Variants in NOTCH4 observed in about 807,000 individuals in gnomAD.
NOTCH4 encodes neurogenic locus notch homolog protein 4.
A neutral mutation model predicts 189.0 loss-of-function variants in NOTCH4; 138 were observed. That is an observed-to-expected ratio of 0.73 (90% CI 0.64 to 0.84). The LOEUF (loss-of-function observed/expected upper bound fraction) is 0.84. Ranked by LOEUF, NOTCH4 falls within the 40% of genes least tolerant of loss-of-function variation. The pLI, the probability that NOTCH4 is intolerant of heterozygous loss-of-function variation, is 0.00. For synonymous variants in NOTCH4, 942 were observed against 1,032.8 expected (o/e 0.91, Z 1.69); for missense variants, 2,286 against 2,605.4 (o/e 0.88, Z 2.67).
rs756562500 is a variant in NOTCH4 at position 32,223,875 on chromosome 6, G to A, written c.54C>T (p.Val18=). The change falls in exon 1 of 30, where the codon GTC becomes GTT. Residue 18 remains valine, a synonymous_variant. Transcript: ENST00000375023. ...CCTCACCTCTGGGTCTGACCACTGA[G>A]ACACATAGCAGCAGCAGCAGCAGCA... is the stretch of plus-strand genomic sequence containing the variant. ...LLLLLLLLLC[V]SVVRPRGLLC... The A allele has an allele frequency of 7.5e-6, 12 of 1,594,042 alleles. No individual in the cohort carries two copies. The Admixed American group carries it at 2.1e-4, about 27-fold the overall frequency.
rs551493445 is a variant in NOTCH4, at chr6:32,200,951, A to T, written c.4195T>A (p.Ser1399Thr). The T allele has an allele frequency of 6.2e-7, 1 of 1,604,442 alleles. No homozygotes were observed. Among genetic ancestry groups the T allele is most frequent in the South Asian group, 1.1e-5 (1 of 89,822 alleles). ...LSRCGPDHPA[S>T]RCPWDPGLLL... The stretch of plus-strand genomic sequence containing the variant: ...AGCCCAGGGTCCCAGGGACAGCGGG[A>T]TGCCGGGTGGTCAGGGCCACAGCGG... Residue 1399 changes from serine to threonine, a missense_variant, in exon 23 of 30, where the codon TCC becomes ACC. Physicochemically the swap from Ser to Thr is moderately conservative, Grantham distance 58. Transcript: ENST00000375023. This position sits in a 1 kb window ranked among gnomAD's most constrained non-coding sequence, Gnocchi z 5.0.
Position 32,220,577 on chromosome 6 carries a change from C to T in NOTCH4, c.987G>A (p.Gly329=), listed in dbSNP as rs773837630. The T allele has an allele frequency of 6.2e-7, 1 of 1,613,878 alleles. No homozygotes were observed. Among genetic ancestry groups the T allele is most frequent in the Admixed American group, 1.7e-5 (1 of 60,006 alleles). Residue 329 remains glycine, a synonymous_variant, in exon 6 of 30, where the codon GGG becomes GGA. Coordinates refer to ENST00000375023, the MANE Select transcript of NOTCH4 (RefSeq NM_004557.4). ...TACCAGCAGAGTTCTGGCAGGTGCCCCCGTTTCTGCAGTGAGGGGGACCCT... is the reference window on the plus strand; with the variant it reads ...TACCAGCAGAGTTCTGGCAGGTGCCTCCGTTTCTGCAGTGAGGGGGACCCT... The part of the protein sequence containing the change: ...ETQGPPHCRN[G]GTCQNSAGSF...
rs767179069 is a variant in NOTCH4, at chr6:32,213,214, C to T, written c.2359G>A (p.Gly787Ser). The T allele has an allele frequency of 1.2e-6, 2 of 1,614,030 alleles. No homozygotes were observed. Among genetic ancestry groups the T allele is most frequent in the Non-Finnish European group, 1.7e-6 (2 of 1,179,956 alleles). Reference sequence around the variant, plus strand: ...ATGGCACAGAGGCAGGAGAAGGTGCCAGGCCTGTTCACACAGGTACCCCCA... The same window carrying T: ...ATGGCACAGAGGCAGGAGAAGGTGCTAGGCCTGTTCACACAGGTACCCCCA... ...FNGGTCVNRP[G>S]TFSCLCAMGF... The change falls in exon 15 of 30, where the codon GGC becomes AGC. Residue 787 changes from glycine to serine, a missense_variant. Gly to Ser is a moderately conservative substitution (Grantham distance 56, BLOSUM62 0). Around this residue, in one of 2 missense-constraint regions of NOTCH4, gnomAD observed 1,903 missense variants for 2,261.9 expected, o/e 0.84. Coordinates refer to ENST00000375023, the MANE Select transcript of NOTCH4 (RefSeq NM_004557.4).
Position 32,201,841 on chromosome 6 carries a change from C to G in NOTCH4, c.3755+235G>C. 1.2e-5 allele frequency: 5 copies of G among 419,394 alleles called. No homozygotes were observed. The highest frequency in any genetic ancestry group is 2.1e-5 in the Non-Finnish European group (5 of 243,178). The allele number at this position is 419,394 out of a possible 1,614,324, so 26.0% of individuals were successfully genotyped here. On this transcript the variant is annotated intron_variant, in intron 21 of 29. Coordinates refer to ENST00000375023, the MANE Select transcript of NOTCH4 (RefSeq NM_004557.4). This position sits in a 1 kb window ranked among gnomAD's most constrained non-coding sequence, Gnocchi z 5.5. ...GGGAAGGAGGCTTGAGACCTGAGTTCCTTCAACTCTTAGAGAGGAGCCCAA... is the reference window on the plus strand; with the variant it reads ...GGGAAGGAGGCTTGAGACCTGAGTTGCTTCAACTCTTAGAGAGGAGCCCAA...
In NOTCH4 at chr6:32,201,506, G is replaced by A; in HGVS notation, c.3756-6C>T. The A allele has an allele frequency of 1.4e-6, 2 of 1,473,546 alleles. No individual in the cohort carries two copies. The highest frequency in any genetic ancestry group is 2.4e-5 in the Admixed American group (1 of 41,958). 91.3% of individuals were successfully genotyped at this position (1,473,546 alleles called of 1,614,324 possible). A position where few individuals can be genotyped will look rare whatever the true frequency, so the allele number is the denominator to read the frequency against. On this transcript the variant is annotated splice_polypyrimidine_tract_variant and splice_region_variant and intron_variant, in intron 21 of 29. Coordinates refer to ENST00000375023, the MANE Select transcript of NOTCH4 (RefSeq NM_004557.4). The surrounding 1 kb of genome is among the most constrained non-coding windows in gnomAD (Gnocchi z 5.5). ...AGTACTGGTCATAGGCTGGACTGTG[G>A]GGTAAGGAGAGGGGGACTCAGGACC...
Position 32,200,877 on chromosome 6 carries a change from G to A in NOTCH4, c.4269C>T (p.Pro1423=). The A allele has an allele frequency of 1.2e-6, 2 of 1,608,730 alleles. No individual in the cohort carries two copies. Among genetic ancestry groups the A allele is most frequent in the Non-Finnish European group, 1.7e-6 (2 of 1,178,074 alleles). The change falls in exon 23 of 30, where the codon CCC becomes CCT. Residue 1423 remains proline (P), a synonymous_variant. Transcript: ENST00000375023. This position sits in a 1 kb window ranked among gnomAD's most constrained non-coding sequence, Gnocchi z 5.0. ...AAMAAVGALE[P]LLPGPLLAVH... Reference sequence around the variant, plus strand: ...CAGCCAGCAGTGGTCCAGGCAGCAGGGGCTCCAGGGCTCCCACTGCAGCCA... The same window carrying A: ...CAGCCAGCAGTGGTCCAGGCAGCAGAGGCTCCAGGGCTCCCACTGCAGCCA...
In NOTCH4 at chr6:32,213,208, A is replaced by G; in HGVS notation, c.2365T>C (p.Phe789Leu). 2 of 1,614,002 alleles carry G rather than the reference A, an allele frequency of 1.2e-6. No homozygotes were observed. The highest frequency in any genetic ancestry group is 1.7e-6 in the Non-Finnish European group (2 of 1,179,938). Residue 789 changes from phenylalanine (F) to leucine (L), a missense_variant, in exon 15 of 30, where the codon TTC becomes CTC. By Grantham distance (22) the Phe-to-Leu change is conservative. This residue lies in a region of NOTCH4 where 1,903 missense variants were observed against 2,261.9 expected (regional missense o/e 0.84). Transcript: ENST00000375023. Reference sequence around the variant, plus strand: ...AAGCCCATGGCACAGAGGCAGGAGAAGGTGCCAGGCCTGTTCACACAGGTA... The same window carrying G: ...AAGCCCATGGCACAGAGGCAGGAGAGGGTGCCAGGCCTGTTCACACAGGTA... ...GGTCVNRPGT[F>L]SCLCAMGFQG...
Position 32,195,774 on chromosome 6 carries a change from C to G in NOTCH4, c.5675G>C (p.Gly1892Ala). The G allele has an allele frequency of 6.2e-7, 1 of 1,608,376 alleles. No homozygotes were observed. The highest frequency in any genetic ancestry group is 8.5e-7 in the Non-Finnish European group (1 of 1,179,548). ...GAGGCTCCGGCAATGAGAATAGGCC[C>G]CGCCCCCCCGCGCAGCCAAGTCTAC... ...WSVDLAARGG[G>A]AYSHCRSLSG... The change falls in exon 30 of 30, where the codon GGG becomes GCG. Residue 1892 changes from glycine (G) to alanine (A), a missense_variant. Transcript: ENST00000375023. The surrounding 1 kb of genome is among the most constrained non-coding windows in gnomAD (Gnocchi z 5.4).
Position 32,223,020 on chromosome 6 carries a change from C to T in NOTCH4, c.140G>A (p.Gly47Glu), listed in dbSNP as rs1789890055. Residue 47 changes from glycine (G) to glutamate (E), a missense_variant, in exon 2 of 30, where the codon GGA becomes GAA. This residue lies in a region of NOTCH4 where 1,903 missense variants were observed against 2,261.9 expected (regional missense o/e 0.84). Transcript: ENST00000375023. ...GCACACTCACTGGCAGGTCCCTTGT[C>T]CCAGAGACAGGCTCAGGCAGGTGCC... ...NGGTCLSLSL[G>E]QGTCQCAPGF... 6.2e-7 allele frequency: 1 copy of T among 1,613,704 alleles called. No individual in the cohort carries two copies. The highest frequency in any genetic ancestry group is 1.3e-5 in the African/African-American group (1 of 74,846).
chr6:32,204,495 A>G (rs1788555967), intron 18 of NOTCH4, 106 bp from the exon 19 acceptor site: 3 of 1,244,150 alleles, frequency 2.4e-6, no homozygotes, highest in Admixed American at 2.2e-5. Flanking sequence ...TTCCAGCTCA[A>G]CAGCATCACT....
At position 32,198,957 on chromosome 6, in the gene NOTCH4, G is replaced by A; in HGVS notation, c.4504C>T (p.Pro1502Ser). 1.3e-6 allele frequency: 2 copies of A among 1,596,808 alleles called. No individual in the cohort carries two copies. The highest frequency in any genetic ancestry group is 1.1e-5 in the South Asian group (1 of 89,144). Residue 1502 changes from proline (P) to serine (S), a missense_variant, in exon 24 of 30, where the codon CCC becomes TCC. Pro to Ser is a moderately conservative substitution (Grantham distance 74). Coordinates refer to ENST00000375023, the MANE Select transcript of NOTCH4 (RefSeq NM_004557.4). This position sits in a 1 kb window ranked among gnomAD's most constrained non-coding sequence, Gnocchi z 5.5. Reference protein sequence around the residue: ...RTQSAPHRRRPPLGEDSIGLK... With the variant: ...RTQSAPHRRRSPLGEDSIGLK... ...CCAATGCTGTCCTCGCCTAGTGGGGGCCGGCGTCGGTGGGGAGCTGACTGA... is the reference window on the plus strand; with the variant it reads ...CCAATGCTGTCCTCGCCTAGTGGGGACCGGCGTCGGTGGGGAGCTGACTGA...
intron 18 of NOTCH4, among the ~76,000 whole-genome samples, chr6:32,207,830 C>T (rs901238998): frequency 2.6e-5 from 4 of 151,384 alleles, no homozygotes; most frequent in Non-Finnish European, 4.4e-5. Context: ...GGTGAAACCC[C>T]GTCTCTACTA....
In NOTCH4 at chr6:32,198,884, A is replaced by G. The variant is rs1362381039; in HGVS notation, c.4535+42T>C. ...TTCTGATTGTAAATATCGCCATAGG[A>G]GAGACTCCCCTTCCTGAGCCTGGGT... is the stretch of plus-strand genomic sequence containing the variant. On this transcript the variant is annotated intron_variant, in intron 24 of 29. Coordinates refer to ENST00000375023, the MANE Select transcript of NOTCH4 (RefSeq NM_004557.4). This position sits in a 1 kb window ranked among gnomAD's most constrained non-coding sequence, Gnocchi z 5.5. The G allele has an allele frequency of 6.7e-7, 1 of 1,499,238 alleles. No homozygotes were observed. The highest frequency in any genetic ancestry group is 9.0e-7 in the Non-Finnish European group (1 of 1,112,016). The allele number at this position is 1,499,238 out of a possible 1,614,324, so 92.9% of individuals were successfully genotyped here.
In NOTCH4 at chr6:32,220,896, C is replaced by T. The variant is rs764411487; in HGVS notation, c.800-18G>A. ...TATGAAACCTGACAGGGTCATGGAT[C>T]AGCTGTGGGAGGAGGCTCCAACGGA... On this transcript the variant is annotated intron_variant, in intron 4 of 29. Coordinates refer to ENST00000375023, the MANE Select transcript of NOTCH4 (RefSeq NM_004557.4). 2.5e-6 allele frequency: 4 copies of T among 1,611,122 alleles called. No individual in the cohort carries two copies. The highest frequency in any genetic ancestry group is 1.1e-5 in the South Asian group (1 of 90,564).
In NOTCH4 at chr6:32,195,333, C is replaced by T; in HGVS notation, c.*104G>A. 8.9e-7 allele frequency: 1 copy of T among 1,126,490 alleles called. No individual in the cohort carries two copies. The allele number at this position is 1,126,490 out of a possible 1,614,324, so 69.8% of individuals were successfully genotyped here. ...TTCATTTTAGGAGAGAAACTAAACTCACAACCCTTCATTTTGGGGGATCCA... is the reference window on the plus strand; with the variant it reads ...TTCATTTTAGGAGAGAAACTAAACTTACAACCCTTCATTTTGGGGGATCCA... On this transcript the variant is annotated 3_prime_UTR_variant, in exon 30 of 30. Transcript: ENST00000375023. This position sits in a 1 kb window ranked among gnomAD's most constrained non-coding sequence, Gnocchi z 5.4.
In NOTCH4 at chr6:32,204,402, AG is replaced by A; in HGVS notation, c.2866-14del. 2 of 1,610,124 alleles carry A rather than the reference AG, an allele frequency of 1.2e-6. No homozygotes were observed. The highest frequency in any genetic ancestry group is 4.5e-5 in the East Asian group (2 of 44,812). Reference sequence around the variant, plus strand: ...AGCCTGGGGCACACTGCAGACAAAGAGGATTAGACAGGGAACCAGTGGATGA... The same window carrying A: ...AGCCTGGGGCACACTGCAGACAAAGAGATTAGACAGGGAACCAGTGGATGA... On this transcript the variant is annotated splice_polypyrimidine_tract_variant and intron_variant, in intron 18 of 29. Transcript: ENST00000375023.
rs537162517 is a variant in NOTCH4, at chr6:32,204,146, C to T, written c.3109G>A (p.Gly1037Arg). ...ANAFYCQCLP[G>R]HTGQWCEVEI... ...TGTCTTGGGGCCTCACCTGTGTGTC[C>T]AGGCAGACACTGGCAGTAGAAGGCA... Residue 1037 changes from glycine (G) to arginine (R), a missense_variant, in exon 19 of 30, where the codon GGA (glycine) becomes AGA (arginine). Around this residue, in one of 2 missense-constraint regions of NOTCH4, gnomAD observed 1,903 missense variants for 2,261.9 expected, o/e 0.84. Coordinates refer to ENST00000375023, the MANE Select transcript of NOTCH4 (RefSeq NM_004557.4). The T allele has an allele frequency of 4.7e-5, 75 of 1,612,644 alleles. 1 individual carries two copies. The highest frequency in any genetic ancestry group is 2.2e-4 in the South Asian group (20 of 91,056).
At position 32,197,357 on chromosome 6, in the gene NOTCH4, C is replaced by G. The variant is rs1292888220; in HGVS notation, c.4994G>C (p.Arg1665Pro). The G allele has an allele frequency of 1.3e-6, 2 of 1,533,952 alleles. No homozygotes were observed. The highest frequency in any genetic ancestry group is 2.8e-5 in the African/African-American group (2 of 72,382). ...AGCATGAAGGGGTGTGCGCCCTGCC[C>G]GGTCTGGCTGGTTGGGGTTGGCTCC... ...EAGANPNQPDRAGRTPLHAAV... is the reference protein window; with the variant it reads ...EAGANPNQPDPAGRTPLHAAV... Residue 1665 changes from arginine to proline, a missense_variant, in exon 27 of 30, where the codon CGG becomes CCG. Physicochemically the swap from Arg to Pro is moderately radical, Grantham distance 103. Transcript: ENST00000375023.
chr6:32,216,552 A>G (rs80074882), intron 11 of NOTCH4: 9,342 of 323,128 alleles, frequency 0.029, 285 homozygotes, highest in East Asian at 0.1. Context: ...GTGGGCTATG[A>G]TCAACAGGAG....
Sources: gnomAD v4.1 joint callset for allele counts (sites outside exome capture counted in the v4.1 genomes callset) on GRCh38, gnomAD v4.1.1 for gene constraint, gnomAD v4.1.1 regional missense constraint, Gnocchi (gnomAD v3.1) non-coding constraint, MANE v1.5 for transcripts, NCBI Gene and HGNC (gene_info 2026-07-23, HGNC 2026-07-21) for gene names.